Variants in BMPER observed in about 807,000 individuals in gnomAD.
The protein encoded by BMPER is BMP binding endothelial regulator.
In BMPER, 45 loss-of-function variants were observed where a neutral mutation model predicts 87.3. The ratio of observed to expected loss-of-function variants is 0.52; its 90% CI spans 0.41 to 0.66. BMPER has a LOEUF of 0.66. Among genes scored for constraint, BMPER ranks in the 30% least tolerant of loss-of-function variants. The pLI, the probability that BMPER is intolerant of heterozygous loss-of-function variation, is 0.00. For synonymous variants in BMPER, 326 were observed against 316.2 expected (o/e 1.03, Z -0.33); for missense variants, 784 against 867.5 (o/e 0.90, Z 1.21).
chr7:33,927,008 G>A (rs1784376532), intron 2 of BMPER, among the ~76,000 whole-genome samples: 1 of 152,224 alleles, frequency 6.6e-6, no homozygotes, highest in Non-Finnish European at 1.5e-5. Context: ...TTTCATCCCG[G>A]GGGGACCTTT....
chr7:33,928,468 TG>T (rs1469213883), intron 2 of BMPER, among the ~76,000 whole-genome samples: 2 of 151,966 alleles, frequency 1.3e-5, no homozygotes, highest in Non-Finnish European at 2.9e-5. Context: ...ATTTGGTGGT[TG>T]TTTTTTTTTG....
intron 13 of BMPER, among the ~76,000 whole-genome samples, chr7:34,098,667 C>T (rs545837735): frequency 2.0e-5 from 3 of 152,214 alleles, no homozygotes; most frequent in Admixed American, 6.5e-5. Flanking sequence ...ATTTGAACTG[C>T]TGAAAGAACC....
At chr7:33,932,978 C>A (rs997442763) in intron 2 of BMPER, among the ~76,000 whole-genome samples, 1 of 152,196 alleles carries the variant, frequency 6.6e-6, no homozygotes, top group Non-Finnish European at 1.5e-5. Flanking sequence ...CCCCATCAGA[C>A]ACTGGGAAAT....
Position 33,937,290 on chromosome 7 carries a change from AC to A in BMPER, c.222del (p.Asn74LysfsTer4). 1 of 1,613,860 alleles carries A rather than the reference AC, an allele frequency of 6.2e-7. No homozygotes were observed. The highest frequency in any genetic ancestry group is 8.5e-7 in the Non-Finnish European group (1 of 1,179,750). On this transcript the variant is annotated frameshift_variant and splice_region_variant, in exon 3 of 15. Coordinates refer to ENST00000649409, the MANE Select transcript of BMPER (RefSeq NM_001365308.1). LOFTEE classifies it high-confidence loss of function. ...TCTCTCGTGTCTCTTTTTGTCTAGA[AC>A]AAGGAAGTGACATGTAAGAGAGAGA... ...DNPCIMCVCLNKEVTCKREKC... is the reference protein window; with the variant it reads ...DNPCIMCVCLXKEVTCKREKC...
chr7:33,949,625 G>T (rs1784972156), intron 3 of BMPER, among the ~76,000 whole-genome samples: 1 of 150,840 alleles, frequency 6.6e-6, no homozygotes, highest in Non-Finnish European at 1.5e-5. Flanking sequence ...CCATGATTTT[G>T]TGCTTAAGAG....
At chr7:34,013,425 A>G (rs1226351609) in intron 6 of BMPER, among the ~76,000 whole-genome samples, 2 of 151,636 alleles carry the variant, frequency 1.3e-5, no homozygotes, top group African/African-American at 4.8e-5. Flanking sequence ...AGGCGTCCTA[A>G]CCAGTCTCCT....
intron 6 of BMPER, among the ~76,000 whole-genome samples, chr7:33,992,291 C>G (rs1786244831): frequency 7.4e-6 from 1 of 135,940 alleles, no homozygotes; most frequent in African/African-American, 2.9e-5. Context: ...CTTTATGAAT[C>G]TGGGTGCTCC....
intron 6 of BMPER, among the ~76,000 whole-genome samples, chr7:34,002,644 G>A (rs1216440362): frequency 6.6e-6 from 1 of 151,634 alleles, no homozygotes. Context: ...AATTATTTTT[G>A]TAGTTTCTTT....
chr7:34,060,107 A>G (rs77699690), intron 10 of BMPER, among the ~76,000 whole-genome samples: 6,043 of 152,226 alleles, frequency 0.04, 128 homozygotes, highest in Non-Finnish European at 0.042. Context: ...AAGAGCCTGC[A>G]GCATGACCAG....
chr7:33,934,860 C>T (rs905255756), intron 2 of BMPER, among the ~76,000 whole-genome samples: 2 of 152,194 alleles, frequency 1.3e-5, no homozygotes, highest in Admixed American at 1.3e-4. Context: ...TGCATAAAGC[C>T]ATACAGTCCT....
intron 2 of BMPER, among the ~76,000 whole-genome samples, chr7:33,911,586 G>A (rs1783963002): frequency 6.6e-6 from 1 of 152,156 alleles, no homozygotes; most frequent in South Asian, 2.1e-4. Context: ...GTTTTGGCTG[G>A]CATCATAACA....
At chr7:33,992,046 C>G (rs556665328) in intron 6 of BMPER, among the ~76,000 whole-genome samples, 2 of 151,634 alleles carry the variant, frequency 1.3e-5, no homozygotes, top group Non-Finnish European at 2.9e-5. Context: ...AGTATGTGGT[C>G]AATTTTGGAA....
chr7:34,001,176 AG>A (rs1359324650), intron 6 of BMPER, among the ~76,000 whole-genome samples: 1 of 151,916 alleles, frequency 6.6e-6, no homozygotes, highest in African/African-American at 2.4e-5. Context: ...AGGTTAATAA[AG>A]GCTTCATAGA....
At chr7:34,122,140 T>G (rs1033310177) in intron 13 of BMPER, among the ~76,000 whole-genome samples, 4 of 152,000 alleles carry the variant, frequency 2.6e-5, no homozygotes, top group Non-Finnish European at 5.9e-5. Context: ...AAATCTGTTC[T>G]AGACTACTGC....
chr7:33,911,027 A>T (rs899179957), intron 2 of BMPER, among the ~76,000 whole-genome samples: 16 of 152,278 alleles, frequency 1.1e-4, no homozygotes, highest in African/African-American at 3.6e-4. Context: ...GATATAAAGT[A>T]GACCAGATGT....
chr7:34,025,324 T>G (rs1787328210), intron 6 of BMPER, among the ~76,000 whole-genome samples: 1 of 151,864 alleles, frequency 6.6e-6, no homozygotes, highest in African/African-American at 2.4e-5. Flanking sequence ...AAGTAGAGGG[T>G]AGGTTCTGCA....
chr7:33,937,507 A>G, intron 3 of BMPER, 119 bp downstream of exon 3: 1 of 763,942 alleles, frequency 1.3e-6, no homozygotes, highest in Non-Finnish European at 2.1e-6. Flanking sequence ...TGGGGAGGAG[A>G]AGTAGGGTGT....
upstream of BMPER, chr7:33,905,511 C>T: frequency 2.2e-6 from 3 of 1,345,682 alleles, no homozygotes; most frequent in Non-Finnish European, 2.9e-6. Flanking sequence ...CGGACGGTCT[C>T]CCGACACGCC....
intron 11 of BMPER, among the ~76,000 whole-genome samples, chr7:34,065,247 T>TCC (rs1421940697): frequency 9.0e-5 from 13 of 144,416 alleles, no homozygotes; most frequent in South Asian, 4.5e-4. Context: ...TCTCTCTCTC[T>TCC]CCCTCTCTCT....
Sources: allele counts gnomAD v4.1 joint callset (sites outside exome capture counted in the v4.1 genomes callset), GRCh38; gene constraint gnomAD v4.1.1; transcripts MANE v1.5; gene names NCBI Gene and HGNC (gene_info 2026-07-23, HGNC 2026-07-21).